Variants in PLD5 observed in about 807,000 individuals in gnomAD.
The protein encoded by PLD5 is phospholipase D family member 5, also known as inactive phospholipase D5.
In PLD5, 36 loss-of-function variants were observed where a neutral mutation model predicts 61.1. The ratio of observed to expected loss-of-function variants is 0.59; its 90% CI spans 0.45 to 0.78. PLD5 has a LOEUF of 0.78. Among genes scored for constraint, PLD5 ranks in the 30% least tolerant of loss-of-function variants. The probability of loss-of-function intolerance (pLI) is 0.00; values close to 1 mark genes in which losing one functional copy is unlikely to be tolerated. For synonymous variants in PLD5, 243 were observed against 242.8 expected, an observed-to-expected ratio of 1.00 and a Z score of -0.01; for missense variants, 515 against 644.4, an observed-to-expected ratio of 0.80 and a Z score of 2.17.
chr1:242,389,018 GC>G (rs1364405456), intron 1 of PLD5, among the ~76,000 whole-genome samples: 1 of 150,338 alleles, frequency 6.7e-6, no homozygotes, highest in Non-Finnish European at 1.5e-5. Flanking sequence ...TTGCGCCACT[GC>G]ACTCCAGGCT....
At chr1:242,462,285 C>A (rs1426117636) in intron 1 of PLD5, among the ~76,000 whole-genome samples, 1 of 152,122 alleles carries the variant, frequency 6.6e-6, no homozygotes, top group Non-Finnish European at 1.5e-5. Context: ...CACATATACA[C>A]CATGGAATAC....
intron 4 of PLD5, among the ~76,000 whole-genome samples, chr1:242,230,357 CA>C (rs1051851932): frequency 6.6e-6 from 1 of 152,052 alleles, no homozygotes; most frequent in Non-Finnish European, 1.5e-5. Context: ...AAGCATATAT[CA>C]AAGGGAAACA....
chr1:242,219,303 C>A (rs115890283), intron 5 of PLD5, among the ~76,000 whole-genome samples: 1 of 151,824 alleles, frequency 6.6e-6, no homozygotes. Context: ...AATAATGGGC[C>A]GGGGAGGAGA....
At chr1:242,450,323 G>A (rs1666730111) in intron 1 of PLD5, among the ~76,000 whole-genome samples, 1 of 152,176 alleles carries the variant, frequency 6.6e-6, no homozygotes, top group Non-Finnish European at 1.5e-5. Context: ...ATTGCAGGAG[G>A]GCAGGTGCCA....
At chr1:242,207,367 G>A (rs918195935) in intron 5 of PLD5, among the ~76,000 whole-genome samples, 22 of 152,132 alleles carry the variant, frequency 1.4e-4, no homozygotes, top group African/African-American at 4.8e-4. Context: ...TCCTGGCTCT[G>A]ATTACAGGTC....
At chr1:242,184,383 T>A (rs1223575354) in intron 5 of PLD5, among the ~76,000 whole-genome samples, 2 of 152,164 alleles carry the variant, frequency 1.3e-5, no homozygotes, top group Admixed American at 1.3e-4. Context: ...CTTCTTTTTT[T>A]AAAATTATTT....
intron 1 of PLD5, among the ~76,000 whole-genome samples, chr1:242,363,072 C>T (rs947858255): frequency 6.6e-6 from 1 of 152,128 alleles, no homozygotes; most frequent in African/African-American, 2.4e-5. Context: ...CATAGAGAAG[C>T]GGTGAAGATC....
chr1:242,512,178 A>C (rs577044432), intron 1 of PLD5, among the ~76,000 whole-genome samples: 1 of 151,822 alleles, frequency 6.6e-6, no homozygotes, highest in Non-Finnish European at 1.5e-5. Context: ...TTGGGAGGCC[A>C]AGGAGGGCAG....
intron 1 of PLD5, among the ~76,000 whole-genome samples, chr1:242,441,946 A>G (rs2102908296): frequency 6.6e-6 from 1 of 152,342 alleles, no homozygotes; most frequent in African/African-American, 2.4e-5. Flanking sequence ...TTTGCTATTG[A>G]TAATTTATCT....
chr1:242,164,623 A>G (rs1666165721), intron 5 of PLD5, among the ~76,000 whole-genome samples: 1 of 152,190 alleles, frequency 6.6e-6, no homozygotes, highest in African/African-American at 2.4e-5. Flanking sequence ...TGAGTGAACA[A>G]ATCTGACAGA....
chr1:242,457,616 A>C (rs1265779088), intron 1 of PLD5, among the ~76,000 whole-genome samples: 1 of 152,208 alleles, frequency 6.6e-6, no homozygotes, highest in Non-Finnish European at 1.5e-5. Context: ...AAGACAGAGA[A>C]ATTTGCTGAA....
chr1:242,517,786 C>G (rs759862534), intron 1 of PLD5, among the ~76,000 whole-genome samples: 1 of 152,110 alleles, frequency 6.6e-6, no homozygotes, highest in Non-Finnish European at 1.5e-5. Context: ...CAGTATATGT[C>G]AAATAAGTGC....
In PLD5 at chr1:242,336,031, C is replaced by T. The variant is rs1046830986; in HGVS notation, c.326+12075G>A. 5.3e-5 allele frequency among the ~76,000 whole-genome samples: 8 copies of T among 152,214 alleles called. 1 individual carries two copies. The highest frequency in any genetic ancestry group is 6.8e-3 in the Middle Eastern group (2 of 292). ...ATTTCTCCTATGTATGCAGAGGACA[C>T]GAATAGGCACGCCACAGGTGAAGAA... On this transcript the variant is annotated intron_variant, in intron 2 of 9. Transcript: ENST00000536534.
chr1:242,142,229 T>G (rs1664222979), intron 5 of PLD5, among the ~76,000 whole-genome samples: 1 of 152,218 alleles, frequency 6.6e-6, no homozygotes, highest in Non-Finnish European at 1.5e-5. Context: ...ACTCCAGAAC[T>G]ATCTGCTGTA....
At chr1:242,432,258 GGAA>G (rs774172728) in intron 1 of PLD5, among the ~76,000 whole-genome samples, 5 of 152,202 alleles carry the variant, frequency 3.3e-5, no homozygotes, top group Non-Finnish European at 7.4e-5. Context: ...GGGTAGGATA[GGAA>G]GAAGGACACG....
chr1:242,365,006 A>G (rs1425876152), intron 1 of PLD5, among the ~76,000 whole-genome samples: 1 of 152,064 alleles, frequency 6.6e-6, no homozygotes, highest in Admixed American at 6.5e-5. Flanking sequence ...CAAATTCCAA[A>G]TATCTCTATG....
At chr1:242,470,137 C>T (rs1009111724) in intron 1 of PLD5, among the ~76,000 whole-genome samples, 1 of 151,944 alleles carries the variant, frequency 6.6e-6, no homozygotes, top group Admixed American at 6.6e-5. Context: ...GTCAGGAGAT[C>T]GAGACCATCC....
intron 4 of PLD5, among the ~76,000 whole-genome samples, chr1:242,221,080 T>A (rs1455107631): frequency 3.9e-5 from 6 of 152,208 alleles, no homozygotes; most frequent in Admixed American, 3.9e-4. Context: ...CCTTGAATGG[T>A]TAACTAAATC....
At chr1:242,249,260 G>A (rs1302626486) in intron 4 of PLD5, among the ~76,000 whole-genome samples, 1 of 152,192 alleles carries the variant, frequency 6.6e-6, no homozygotes, top group Non-Finnish European at 1.5e-5. Flanking sequence ...TTCACAGACA[G>A]GACTGGTCCT....
Sources: allele counts gnomAD v4.1 joint callset (sites outside exome capture counted in the v4.1 genomes callset), GRCh38; gene constraint gnomAD v4.1.1; transcripts MANE v1.5; gene names NCBI Gene and HGNC (gene_info 2026-07-23, HGNC 2026-07-21).